The following CILP2 variants were observed in gnomAD, a reference collection of about 807,000 sequenced individuals.
The protein encoded by CILP2 is CILP-2.
CILP2 carries 38 observed loss-of-function variants against 45.6 expected under a neutral mutation model. The observed-to-expected ratio is 0.83, with a 90% CI of 0.64 to 1.09. The LOEUF is 1.09. Among genes scored for constraint, CILP2 ranks in the 50% least tolerant of loss-of-function variants. The pLI, the probability that CILP2 is intolerant of heterozygous loss-of-function variation, is 0.00. For synonymous variants in CILP2, 780 were observed against 723.5 expected (o/e 1.08, Z -1.25); for missense variants, 1,735 against 1,662.2 (o/e 1.04, Z -0.76).
rs760392757 is a variant in CILP2 at position 19,545,038 on chromosome 19, C to G, written c.2493C>G (p.Thr831=). The change falls in exon 8 of 8, where the codon ACC becomes ACG. Residue 831 remains threonine, a synonymous_variant. Coordinates refer to ENST00000291495, the MANE Select transcript of CILP2 (RefSeq NM_153221.2). ...APSLPRPLPA[T]VGVTQPYLDR... ...CCTTGCCCCGCCCACTCCCGGCCAC[C>G]GTGGGCGTCACCCAGCCCTACCTGG... 9 of 1,607,678 alleles carry G rather than the reference C, an allele frequency of 5.6e-6. No homozygotes were observed. Among genetic ancestry groups the G allele is most frequent in the East Asian group, 2.2e-5 (1 of 44,818 alleles).
In CILP2 at chr19:19,540,528, C is replaced by A. The variant is rs908867792; in HGVS notation, c.436+52C>A. ...CGGGGCTTTGAATGGGCGGGGCTGGCGAACGCCGGGAAGAGTCGTGGTGGG... is the reference window on the plus strand; with the variant it reads ...CGGGGCTTTGAATGGGCGGGGCTGGAGAACGCCGGGAAGAGTCGTGGTGGG... On this transcript the variant is annotated intron_variant, in intron 3 of 7. Coordinates refer to ENST00000291495, the MANE Select transcript of CILP2 (RefSeq NM_153221.2). The A allele has an allele frequency of 1.4e-5, 17 of 1,202,032 alleles. No homozygotes were observed. In the East Asian group the frequency reaches 2.3e-4, roughly 16 times the overall value. 74.5% of individuals were successfully genotyped at this position (1,202,032 alleles called of 1,614,324 possible).
At position 19,540,469 on chromosome 19, in the gene CILP2, C is replaced by T; in HGVS notation, c.429C>T (p.Cys143=). The part of the protein sequence containing the change: ...RCSNYHVRFR[C]PLEASWGAWG... ...CCAACTACCACGTGCGCTTCCGCTG[C>T]CCACTAGGTGAGGGCGGGGCTGGAT... Residue 143 remains cysteine, a synonymous_variant, in exon 3 of 8, where the codon TGC becomes TGT. Transcript: ENST00000291495. 7.0e-7 allele frequency: 1 copy of T among 1,433,316 alleles called. No homozygotes were observed. Among genetic ancestry groups the T allele is most frequent in the Admixed American group, 2.6e-5 (1 of 37,950 alleles). The allele number at this position is 1,433,316 out of a possible 1,614,324, so 88.8% of individuals were successfully genotyped here.
At position 19,542,567 on chromosome 19, in the gene CILP2, A is replaced by AG; in HGVS notation, c.786dup (p.Met263AspfsTer25). On this transcript the variant is annotated frameshift_variant, in exon 5 of 8. Coordinates refer to ENST00000291495, the MANE Select transcript of CILP2 (RefSeq NM_153221.2). LOFTEE classifies it high-confidence loss of function. ...GACAGCCGCGCCAACATCAGGGCCC[A>AG]GATGGATGGCTTCTCTGCAGGGGAG... 6.2e-7 allele frequency: 1 copy of AG among 1,614,090 alleles called. No homozygotes were observed. Among genetic ancestry groups the AG allele is most frequent in the Non-Finnish European group, 8.5e-7 (1 of 1,180,034 alleles).
chr19:19,542,706 C>A (rs2061248931), intron 5 of CILP2, 56 bp downstream of exon 5: 2 of 1,587,424 alleles, frequency 1.3e-6, no homozygotes, highest in Middle Eastern at 1.7e-4. Context: ...GGAGGAAGTT[C>A]TAGCACTCGA....
chr19:19,539,563 CA>C (rs34962863), intron 1 of CILP2, 115 bp from the exon 2 acceptor site: 35,222 of 383,992 alleles, frequency 0.092, 1 homozygote, highest in East Asian at 0.11. Flanking sequence ...GATTCCGTCT[CA>C]AAAAAAAAAA....
In CILP2 at chr19:19,545,355, G is replaced by C. The variant is rs777008035; in HGVS notation, c.2810G>C (p.Arg937Pro). 1.2e-5 allele frequency: 19 copies of C among 1,612,228 alleles called. No individual in the cohort carries two copies. The highest frequency in any genetic ancestry group is 1.6e-5 in the Non-Finnish European group (19 of 1,179,662). ...LAWWPNPQEF[R>P]ACFLKVKIQG... is the part of the protein sequence containing the mutation. ...TGGTGGCCCAACCCGCAGGAGTTCC[G>C]GGCCTGCTTCCTCAAGGTGAAGATC... is the stretch of plus-strand genomic sequence containing the variant. Residue 937 changes from arginine (R) to proline (P), a missense_variant, in exon 8 of 8, where the codon CGG becomes CCG. Coordinates refer to ENST00000291495, the MANE Select transcript of CILP2 (RefSeq NM_153221.2).
chr19:19,543,829 C>G lies in CILP2; in HGVS notation c.1284C>G (p.Pro428=). Residue 428 remains proline (P), a synonymous_variant, in exon 8 of 8, where the codon CCC becomes CCG. Coordinates refer to ENST00000291495, the MANE Select transcript of CILP2 (RefSeq NM_153221.2). The stretch of plus-strand genomic sequence containing the variant: ...GCCCCAGCCTGGCAGGCTCCAGCCC[C>G]CGCTGCGGGGACGCCAGCTCCCGCT... ...TRCPSLAGSS[P]RCGDASSRCC... 6.2e-7 allele frequency: 1 copy of G among 1,613,834 alleles called. No individual in the cohort carries two copies. The highest frequency in any genetic ancestry group is 8.5e-7 in the Non-Finnish European group (1 of 1,179,896).
At position 19,545,190 on chromosome 19, in the gene CILP2, G is replaced by A. The variant is rs773513832; in HGVS notation, c.2645G>A (p.Arg882His). ...AEANGPVYPWRSLRECQGAPV... is the reference protein window; with the variant it reads ...AEANGPVYPWHSLRECQGAPV... ...GCCAATGGGCCTGTGTACCCGTGGC[G>A]CAGCCTGCGGGAATGCCAGGGGGCC... The change falls in exon 8 of 8, where the codon CGC (arginine) becomes CAC (histidine). Residue 882 changes from arginine to histidine, a missense_variant. Transcript: ENST00000291495. 22 of 1,612,502 alleles carry A rather than the reference G, an allele frequency of 1.4e-5. No individual in the cohort carries two copies. Among genetic ancestry groups the A allele is most frequent in the African/African-American group, 5.3e-5 (4 of 74,938 alleles).
In CILP2 at chr19:19,543,418, G is replaced by A; in HGVS notation, c.1135+13G>A. On this transcript the variant is annotated intron_variant, in intron 7 of 7. Coordinates refer to ENST00000291495, the MANE Select transcript of CILP2 (RefSeq NM_153221.2). ...CTCACTGTACTTGGTGAGTGTCCTT[G>A]GCCACAGCCCCGAGCAAGCCTTCAC... The A allele has an allele frequency of 6.2e-7, 1 of 1,612,744 alleles. No homozygotes were observed. The highest frequency in any genetic ancestry group is 8.5e-7 in the Non-Finnish European group (1 of 1,179,706).
At chr19:19,541,970 GA>G (rs1273929657) in intron 4 of CILP2, among the ~76,000 whole-genome samples, 12 of 152,200 alleles carry the variant, frequency 7.9e-5, no homozygotes, top group Non-Finnish European at 1.5e-4. Flanking sequence ...GTTTCCAGTG[GA>G]ATTTTCCATT....
At chr19:19,538,881 C>T (rs1384729095) in intron 1 of CILP2, among the ~76,000 whole-genome samples, 1 of 152,252 alleles carries the variant, frequency 6.6e-6, no homozygotes, top group Admixed American at 6.5e-5. Flanking sequence ...GTATCTTGGA[C>T]AGCTCCTATC....
chr19:19,538,308 G>A lies in CILP2; in HGVS notation c.-42G>A. On this transcript the variant is annotated 5_prime_UTR_variant, in exon 1 of 8. Transcript: ENST00000291495. ...ACCCGCCGGAGTTGGACCCGAGCACGCCGCGGAGCCCGGACCCTCCCTCGG... is the reference window on the plus strand; with the variant it reads ...ACCCGCCGGAGTTGGACCCGAGCACACCGCGGAGCCCGGACCCTCCCTCGG... 1.3e-6 allele frequency: 2 copies of A among 1,537,078 alleles called. No homozygotes were observed. Among genetic ancestry groups the A allele is most frequent in the Non-Finnish European group, 1.7e-6 (2 of 1,146,936 alleles).
At position 19,543,763 on chromosome 19, in the gene CILP2, C is replaced by A. The variant is rs889122452; in HGVS notation, c.1218C>A (p.Gly406=). 2.9e-5 allele frequency: 46 copies of A among 1,613,736 alleles called. No homozygotes were observed. The highest frequency in any genetic ancestry group is 3.9e-5 in the Non-Finnish European group (46 of 1,179,808). The change falls in exon 8 of 8, where the codon GGC becomes GGA. Residue 406 remains glycine, a synonymous_variant. Coordinates refer to ENST00000291495, the MANE Select transcript of CILP2 (RefSeq NM_153221.2). ...LPEDCGQPGS[G]PAYLDVGLCP... ...AGGACTGTGGTCAGCCAGGTAGTGGCCCTGCCTACCTGGATGTGGGCCTCT... is the reference window on the plus strand; with the variant it reads ...AGGACTGTGGTCAGCCAGGTAGTGGACCTGCCTACCTGGATGTGGGCCTCT...
chr19:19,545,450 C>A lies in CILP2; in HGVS notation c.2905C>A (p.Leu969Ile). 6.2e-7 allele frequency: 1 copy of A among 1,612,302 alleles called. No individual in the cohort carries two copies. The highest frequency in any genetic ancestry group is 2.2e-5 in the East Asian group (1 of 44,844). Residue 969 changes from leucine (L) to isoleucine (I), a missense_variant, in exon 8 of 8, where the codon CTC (leucine) becomes ATC (isoleucine). Coordinates refer to ENST00000291495, the MANE Select transcript of CILP2 (RefSeq NM_153221.2). ...CAGCCACCCACGCACCCGCGGCCAG[C>A]TCTACGGACTTCGGGATGCCCGGAG... ...GGSHPRTRGQLYGLRDARSVR... is the reference protein window; with the variant it reads ...GGSHPRTRGQIYGLRDARSVR...
rs200837636 is a variant in CILP2 at position 19,540,442 on chromosome 19, C to T, written c.402C>T (p.Cys134=). Residue 134 remains cysteine, a synonymous_variant, in exon 3 of 8, where the codon TGC becomes TGT. Coordinates refer to ENST00000291495, the MANE Select transcript of CILP2 (RefSeq NM_153221.2). ...GCGAGCAACCGCGTGGCCGCCGCTG[C>T]TCCAACTACCACGTGCGCTTCCGCT... ...LNREQPRGRR[C]SNYHVRFRCP... 88 of 1,465,294 alleles carry T rather than the reference C, an allele frequency of 6.0e-5. 1 individual carries two copies. In the Admixed American group the frequency reaches 2.0e-3, roughly 33 times the overall value. 90.8% of individuals were successfully genotyped at this position (1,465,294 alleles called of 1,614,324 possible).
At chr19:19,540,503 C>A (rs796344460) in intron 3 of CILP2, 27 bp downstream of exon 3, 1 of 288,492 alleles carries the variant, frequency 3.5e-6, no homozygotes, top group South Asian at 1.4e-4. Flanking sequence ...ATGACGGGGG[C>A]GGGGCTTTGA....
Position 19,538,269 on chromosome 19 carries a change from C to A in CILP2, c.-81C>A, listed in dbSNP as rs1055458879. 4.4e-6 allele frequency: 6 copies of A among 1,359,122 alleles called. No homozygotes were observed. The highest frequency in any genetic ancestry group is 6.0e-6 in the Non-Finnish European group (6 of 996,472). 84.2% of individuals were successfully genotyped at this position (1,359,122 alleles called of 1,614,324 possible). A position where few individuals can be genotyped will look rare whatever the true frequency, so the allele number is the denominator to read the frequency against. ...TCGCATCCCGCCCCCACTCTCAGTC[C>A]CAGCGGCCGCCAGACCCGCCGGAGT... is the stretch of plus-strand genomic sequence containing the variant. On this transcript the variant is annotated 5_prime_UTR_variant, in exon 1 of 8. Transcript: ENST00000291495.
rs1232851083 is a variant in CILP2, at chr19:19,542,400, C to A, written c.618C>A (p.Cys206Ter). 6.2e-7 allele frequency: 1 copy of A among 1,612,098 alleles called. No homozygotes were observed. ...CPGCSLDTCE[C>*]PDHILLGSVV... Reference sequence around the variant, plus strand: ...GGTGCAGCCTTGACACCTGTGAATGCCCGGACCACATCCTCCTGGGCTCGG... The same window carrying A: ...GGTGCAGCCTTGACACCTGTGAATGACCGGACCACATCCTCCTGGGCTCGG... The change falls in exon 5 of 8, where the codon TGC becomes TGA. Residue 206 changes from cysteine to a stop codon, truncating the protein, a stop_gained. Coordinates refer to ENST00000291495, the MANE Select transcript of CILP2 (RefSeq NM_153221.2). LOFTEE classifies it high-confidence loss of function.
intron 4 of CILP2, among the ~76,000 whole-genome samples, 179 bp downstream of exon 4, chr19:19,541,425 G>T (rs112394473): frequency 0.014 from 2,104 of 152,122 alleles, 22 homozygotes; most frequent in South Asian, 0.028. Flanking sequence ...TCGTGGACGG[G>T]GCTGTGAAGG....
Sources: allele counts gnomAD v4.1 joint callset (sites outside exome capture counted in the v4.1 genomes callset), GRCh38; gene constraint gnomAD v4.1.1; transcripts MANE v1.5; gene names NCBI Gene and HGNC (gene_info 2026-07-23, HGNC 2026-07-21).